Variants in CELSR3 observed in about 807,000 individuals in gnomAD.
The protein encoded by CELSR3 is cadherin EGF LAG seven-pass G-type receptor 3, also known as EGF-like protein 1.
CELSR3 carries 73 observed loss-of-function variants against 270.0 expected under a neutral mutation model. The observed-to-expected ratio is 0.27, with a 90% CI of 0.22 to 0.33. CELSR3 has a LOEUF of 0.33. Among genes scored for constraint, CELSR3 ranks in the 10% least tolerant of loss-of-function variants. The pLI is 1.00. For synonymous variants in CELSR3, 1,780 were observed against 1,905.4 expected, an observed-to-expected ratio of 0.93 and a Z score of 1.71; for missense variants, 3,614 against 4,533.8, an observed-to-expected ratio of 0.80 and a Z score of 5.83.
chr3:48,646,127 T>A lies in CELSR3; in HGVS notation c.7426A>T (p.Ser2476Cys). 6.2e-7 allele frequency: 1 copy of A among 1,612,884 alleles called. No homozygotes were observed. The highest frequency in any genetic ancestry group is 1.1e-5 in the South Asian group (1 of 91,078). Residue 2476 changes from serine (S) to cysteine (C), a missense_variant, in exon 22 of 35, where the codon AGC becomes TGC. Coordinates refer to ENST00000164024, the MANE Select transcript of CELSR3 (RefSeq NM_001407.3). The surrounding 1 kb of genome is among the most constrained non-coding windows in gnomAD (Gnocchi z 4.8). ...EFRLLQTANR[S>C]KAICVQWDPP... is the part of the protein sequence containing the mutation. The stretch of plus-strand genomic sequence containing the variant: ...TCCCACTGCACACAGATCGCCTTGC[T>A]CCGATTCGCTGTCTGTAGCAGGCGA...
In CELSR3 at chr3:48,645,273, C is replaced by T. The variant is rs189432685; in HGVS notation, c.7798-64G>A. ...ACCCACCTCTGACCCCTACCCCAGG[C>T]ATCTGCTTCCCACCTCTCACCCCTA... On this transcript the variant is annotated intron_variant, in intron 24 of 34. Transcript: ENST00000164024. This position sits in a 1 kb window ranked among gnomAD's most constrained non-coding sequence, Gnocchi z 5.4. 7.1e-6 allele frequency: 11 copies of T among 1,540,520 alleles called. No homozygotes were observed. In the East Asian group the frequency reaches 2.1e-4, roughly 29 times the overall value.
intron 34 of CELSR3, among the ~76,000 whole-genome samples, chr3:48,638,816 C>A (rs1046327317): frequency 6.6e-5 from 10 of 151,966 alleles, no homozygotes; most frequent in Non-Finnish European, 2.9e-5. Flanking sequence ...AACCCCTGCT[C>A]TTTCCTCCTT....
In CELSR3 at chr3:48,646,196, T is replaced by A. The variant is rs768037635; in HGVS notation, c.7357A>T (p.Asn2453Tyr). ...GACTCCAGGATTCCCCTTAGGAAGT[T>A]GCGTCCGTGGAACACAGCCACGCTG... Reference protein sequence around the residue: ...VVSVAVFHGRNFLRGILESPI... With the variant: ...VVSVAVFHGRYFLRGILESPI... The change falls in exon 22 of 35, where the codon AAC (asparagine) becomes TAC (tyrosine). Residue 2453 changes from asparagine (N) to tyrosine (Y), a missense_variant. Transcript: ENST00000164024. The surrounding 1 kb of genome is among the most constrained non-coding windows in gnomAD (Gnocchi z 4.8). The A allele has an allele frequency of 2.5e-6, 4 of 1,612,758 alleles. No homozygotes were observed. Among genetic ancestry groups the A allele is most frequent in the Non-Finnish European group, 3.4e-6 (4 of 1,179,934 alleles).
chr3:48,661,233 G>A lies in CELSR3; in HGVS notation c.1402C>T (p.Leu468=). ...GGCGGCCCCACGAAGCGGTAGCGCA[G>A]GTTGGCGTTGGGGGGCGCGTCGCCG... ...TDGDAPPNAN[L]RYRFVGPPAA... The change falls in exon 1 of 35, where the codon CTG becomes TTG. Residue 468 remains leucine, a synonymous_variant. Transcript: ENST00000164024. 1 of 1,607,188 alleles carries A rather than the reference G, an allele frequency of 6.2e-7. No individual in the cohort carries two copies. The highest frequency in any genetic ancestry group is 8.5e-7 in the Non-Finnish European group (1 of 1,176,260).
Position 48,659,577 on chromosome 3 carries a change from G to C in CELSR3, c.3058C>G (p.Arg1020Gly). 1 of 1,614,144 alleles carries C rather than the reference G, an allele frequency of 6.2e-7. No homozygotes were observed. Among genetic ancestry groups the C allele is most frequent in the Non-Finnish European group, 8.5e-7 (1 of 1,180,036 alleles). ...FTIEPTSGIV[R>G]TVRRLDREAV... ...TCCCGGTCTAGCCGCCTTACTGTACGGACAATTCCAGAGGTGGGCTCAATG... is the reference window on the plus strand; with the variant it reads ...TCCCGGTCTAGCCGCCTTACTGTACCGACAATTCCAGAGGTGGGCTCAATG... The change falls in exon 1 of 35, where the codon CGT (arginine) becomes GGT (glycine). Residue 1020 changes from arginine (R) to glycine (G), a missense_variant. Arg to Gly is a moderately radical substitution (Grantham distance 125). Coordinates refer to ENST00000164024, the MANE Select transcript of CELSR3 (RefSeq NM_001407.3). This position sits in a 1 kb window ranked among gnomAD's most constrained non-coding sequence, Gnocchi z 8.1.
Position 48,661,029 on chromosome 3 carries a change from G to A in CELSR3, c.1606C>T (p.Leu536=), listed in dbSNP as rs1559482481. 6.2e-7 allele frequency: 1 copy of A among 1,613,734 alleles called. No individual in the cohort carries two copies. Among genetic ancestry groups the A allele is most frequent in the Non-Finnish European group, 8.5e-7 (1 of 1,180,048 alleles). The change falls in exon 1 of 35, where the codon CTA becomes TTA. Residue 536 remains leucine (L), a synonymous_variant. Coordinates refer to ENST00000164024, the MANE Select transcript of CELSR3 (RefSeq NM_001407.3). ...SATVRVHITV[L]DENDNAPQFS... The stretch of plus-strand genomic sequence containing the variant: ...TGAGGAGCATTGTCGTTCTCGTCTA[G>A]CACAGTTATGTGTACGCGCACAGTG...
chr3:48,656,620 C>T, intron 2 of CELSR3, 78 bp downstream of exon 2: 1 of 1,413,286 alleles, frequency 7.1e-7, no homozygotes, highest in Non-Finnish European at 9.3e-7. Context: ...AAGTGACTCC[C>T]AGTACTCACT....
intron 28 of CELSR3, 89 bp downstream of exon 28, chr3:48,643,465 C>T (rs1429508055): frequency 1.4e-6 from 2 of 1,472,264 alleles, no homozygotes; most frequent in Admixed American, 4.5e-5. Flanking sequence ...GAGTCAGCTC[C>T]AGGCCTAGGG....
In CELSR3 at chr3:48,651,579, G is replaced by C; in HGVS notation, c.6063C>G (p.His2021Gln). 6.3e-7 allele frequency: 1 copy of C among 1,577,238 alleles called. No homozygotes were observed. Residue 2021 changes from histidine (H) to glutamine (Q), a missense_variant and splice_region_variant, in exon 13 of 35, where the codon CAC becomes CAG. This residue lies in a region of CELSR3 where 1,331 missense variants were observed against 1,933.7 expected (regional missense o/e 0.69). Transcript: ENST00000164024. This position sits in a 1 kb window ranked among gnomAD's most constrained non-coding sequence, Gnocchi z 7.4. The part of the protein sequence containing the change: ...VGGYFGHHCE[H>Q]RMDQQCPRGW... ...TCGCCTCAGCCCCAGCCTCTTACCT[G>C]TGCTCACAGTGGTGCCCGAAATAGC...
Position 48,648,366 on chromosome 3 carries a change from G to T in CELSR3, c.6873C>A (p.Ser2291Arg). 1 of 1,612,040 alleles carries T rather than the reference G, an allele frequency of 6.2e-7. No homozygotes were observed. Among genetic ancestry groups the T allele is most frequent in the Non-Finnish European group, 8.5e-7 (1 of 1,179,710 alleles). Residue 2291 changes from serine (S) to arginine (R), a missense_variant, in exon 19 of 35, where the codon AGC (serine) becomes AGA (arginine). Coordinates refer to ENST00000164024, the MANE Select transcript of CELSR3 (RefSeq NM_001407.3). ...GQRAPGGSPG[S>R]AGLVRHLEEY... Reference sequence around the variant, plus strand: ...CCTCCAGGTGCCTCACCAGTCCCGCGCTGCCTGGGGAGCCCCCAGGGGCCC... The same window carrying T: ...CCTCCAGGTGCCTCACCAGTCCCGCTCTGCCTGGGGAGCCCCCAGGGGCCC...
chr3:48,640,684 C>G lies in CELSR3; in HGVS notation c.9026-125G>C. On this transcript the variant is annotated intron_variant, in intron 33 of 34. Coordinates refer to ENST00000164024, the MANE Select transcript of CELSR3 (RefSeq NM_001407.3). The surrounding 1 kb of genome is among the most constrained non-coding windows in gnomAD (Gnocchi z 7.5). ...AACACAGGGATGGGAGCAGGAACCC[C>G]TTGGGGAGCAGCAGAGGCAACCCTG... 1 of 1,112,850 alleles carries G rather than the reference C, an allele frequency of 9.0e-7. No individual in the cohort carries two copies. The highest frequency in any genetic ancestry group is 2.6e-5 in the East Asian group (1 of 37,944). 68.9% of individuals were successfully genotyped at this position (1,112,850 alleles called of 1,614,324 possible).
Position 48,659,224 on chromosome 3 carries a change from T to C in CELSR3, c.3411A>G (p.Glu1137=). The change falls in exon 1 of 35, where the codon GAA becomes GAG. Residue 1137 remains glutamate (E), a synonymous_variant. Coordinates refer to ENST00000164024, the MANE Select transcript of CELSR3 (RefSeq NM_001407.3). The surrounding 1 kb of genome is among the most constrained non-coding windows in gnomAD (Gnocchi z 8.1). ...ATGTGGCCTGCACCACAATCACATA[T>C]TCTTGGCGAGCCTCATAGTCTAGGT... ...LIDLDYEARQ[E]YVIVVQATSA... 2 of 1,614,160 alleles carry C rather than the reference T, an allele frequency of 1.2e-6. No homozygotes were observed. The highest frequency in any genetic ancestry group is 1.1e-5 in the South Asian group (1 of 91,074).
chr3:48,655,601 AAGGAGCT>A lies in CELSR3; in HGVS notation c.4741+128_4741+134del, dbSNP rs746343427. 3.5e-4 allele frequency: 323 copies of A among 911,050 alleles called. No homozygotes were observed. The highest frequency in any genetic ancestry group is 5.3e-4 in the Non-Finnish European group (301 of 566,088). The allele number at this position is 911,050 out of a possible 1,614,324, so 56.4% of individuals were successfully genotyped here. On this transcript the variant is annotated intron_variant, in intron 4 of 34. Coordinates refer to ENST00000164024, the MANE Select transcript of CELSR3 (RefSeq NM_001407.3). The surrounding 1 kb of genome is among the most constrained non-coding windows in gnomAD (Gnocchi z 5.8). Reference sequence around the variant, plus strand: ...AGGGACCTTCCCACAGGGAATGGCCAAGGAGCTAGGTCTTCAGGGCTTGCATGGCGTG... The same window carrying A: ...AGGGACCTTCCCACAGGGAATGGCCAAGGTCTTCAGGGCTTGCATGGCGTG...
In CELSR3 at chr3:48,661,701, G is replaced by C. The variant is rs76423828; in HGVS notation, c.934C>G (p.Arg312Gly). Residue 312 changes from arginine (R) to glycine (G), a missense_variant, in exon 1 of 35, where the codon CGG (arginine) becomes GGG (glycine). By Grantham distance (125) the Arg-to-Gly change is moderately radical. This residue lies in a region of CELSR3 where 470 missense variants were observed against 469.7 expected (regional missense o/e 1.00). Transcript: ENST00000164024. Reference sequence around the variant, plus strand: ...TTTGCGGCGCGACGAAAGCGTGCCCGGTTCGCCGAGGTTACTTTCCTGGCT... The same window carrying C: ...TTTGCGGCGCGACGAAAGCGTGCCCCGTTCGCCGAGGTTACTTTCCTGGCT... ...PEARKVTSAN[R>G]ARFRRAANRH... is the part of the protein sequence containing the mutation. The C allele has an allele frequency of 5.7e-6, 9 of 1,573,218 alleles. No individual in the cohort carries two copies. The African/African-American group carries it at 9.5e-5, about 17-fold the overall frequency.
rs1478340355 is a variant in CELSR3 at position 48,661,232 on chromosome 3, A to G, written c.1403T>C (p.Leu468Pro). 2 of 1,606,564 alleles carry G rather than the reference A, an allele frequency of 1.2e-6. No homozygotes were observed. Among genetic ancestry groups the G allele is most frequent in the Non-Finnish European group, 1.7e-6 (2 of 1,176,002 alleles). The change falls in exon 1 of 35, where the codon CTG becomes CCG. Residue 468 changes from leucine (L) to proline (P), a missense_variant. Physicochemically the swap from Leu to Pro is moderately conservative, Grantham distance 98 (BLOSUM62 -3). Coordinates refer to ENST00000164024, the MANE Select transcript of CELSR3 (RefSeq NM_001407.3). Reference protein sequence around the residue: ...TDGDAPPNANLRYRFVGPPAA... With the variant: ...TDGDAPPNANPRYRFVGPPAA... The stretch of plus-strand genomic sequence containing the variant: ...TGGCGGCCCCACGAAGCGGTAGCGC[A>G]GGTTGGCGTTGGGGGGCGCGTCGCC...
Position 48,641,704 on chromosome 3 carries a change from G to T in CELSR3, c.8824+147C>A, listed in dbSNP as rs2047028051. The T allele has an allele frequency of 1.1e-6, 1 of 913,944 alleles. No individual in the cohort carries two copies. The highest frequency in any genetic ancestry group is 1.6e-6 in the Non-Finnish European group (1 of 623,066). The allele number at this position is 913,944 out of a possible 1,614,324, so 56.6% of individuals were successfully genotyped here. On this transcript the variant is annotated intron_variant, in intron 32 of 34. Transcript: ENST00000164024. The surrounding 1 kb of genome is among the most constrained non-coding windows in gnomAD (Gnocchi z 4.8). ...GTGAGCTCCCTCCCCTTAACTGGAG[G>T]TGGACAGAGACTAAAAGTTGGGGAA...
At chr3:48,643,264 T>A in intron 28 of CELSR3, 181 bp from the exon 29 acceptor site, 1 of 622,054 alleles carries the variant, frequency 1.6e-6, no homozygotes. Flanking sequence ...GCAGCAGGAG[T>A]GGCTGGAGTC....
In CELSR3 at chr3:48,661,158, C is replaced by A. The variant is rs2077063473; in HGVS notation, c.1477G>T (p.Gly493Cys). Residue 493 changes from glycine (G) to cysteine (C), a missense_variant, in exon 1 of 35, where the codon GGC (glycine) becomes TGC (cysteine). Coordinates refer to ENST00000164024, the MANE Select transcript of CELSR3 (RefSeq NM_001407.3). ...ACTCGGCCGCTGGTGCTGATGAGGC[C>A]GGAGCGTGGATCAATCTCGAAGGCG... ...AAAFEIDPRS[G>C]LISTSGRVDR... is the part of the protein sequence containing the mutation. 6.2e-7 allele frequency: 1 copy of A among 1,602,660 alleles called. No individual in the cohort carries two copies. Among genetic ancestry groups the A allele is most frequent in the Non-Finnish European group, 8.5e-7 (1 of 1,174,778 alleles).
intron 3 of CELSR3, 116 bp downstream of exon 3, chr3:48,656,024 C>T: frequency 8.2e-7 from 1 of 1,212,520 alleles, no homozygotes; most frequent in South Asian, 1.3e-5. Flanking sequence ...CCGGGCGGGG[C>T]GTCAGGGGAG....
Sources: allele counts gnomAD v4.1 joint callset (sites outside exome capture counted in the v4.1 genomes callset), GRCh38; gene constraint gnomAD v4.1.1; regional missense constraint gnomAD v4.1.1; non-coding constraint Gnocchi (gnomAD v3.1); transcripts MANE v1.5; gene names NCBI Gene and HGNC (gene_info 2026-07-23, HGNC 2026-07-21).